Variants in CREB5 observed in about 807,000 individuals in gnomAD.
The protein encoded by CREB5 is cyclic AMP-responsive element-binding protein 5.
In CREB5, 19 loss-of-function variants were observed where a neutral mutation model predicts 57.1. The ratio of observed to expected loss-of-function variants is 0.33; its 90% CI spans 0.23 to 0.49. The LOEUF (loss-of-function observed/expected upper bound fraction) is 0.49, where lower values mean the gene tolerates loss of function less well. Ranked by LOEUF, CREB5 falls within the 20% of genes least tolerant of loss-of-function variation. The pLI is 0.99. For synonymous variants in CREB5, 238 were observed against 238.3 expected (o/e 1.00, Z 0.01); for missense variants, 579 against 671.6 (o/e 0.86, Z 1.52).
chr7:28,550,004 G>A (rs117451495), intron 4 of CREB5, among the ~76,000 whole-genome samples: 2,081 of 152,264 alleles, frequency 0.014, 29 homozygotes, highest in Middle Eastern at 0.054. Context: ...TTCTGAAGAA[G>A]CCTCATGACA....
At chr7:28,557,237 T>TGTAGGC (rs1794915717) in intron 4 of CREB5, among the ~76,000 whole-genome samples, 2 of 128,422 alleles carry the variant, frequency 1.6e-5, no homozygotes, top group African/African-American at 2.8e-5. Context: ...AGCATCACCT[T>TGTAGGC]CTTTCTGTTT....
At chr7:28,430,898 A>T (rs902270642) in intron 1 of CREB5, among the ~76,000 whole-genome samples, 2 of 152,156 alleles carry the variant, frequency 1.3e-5, no homozygotes, top group African/African-American at 4.8e-5. Flanking sequence ...AGTCACCTCA[A>T]ACCTCAGTGG....
chr7:28,583,357 C>A (rs1395550717), intron 5 of CREB5, among the ~76,000 whole-genome samples: 1 of 152,166 alleles, frequency 6.6e-6, no homozygotes, highest in Non-Finnish European at 1.5e-5. Flanking sequence ...TGAGATTGGA[C>A]AGGCAAGCTG....
At chr7:28,437,211 T>G (rs1788998016) in intron 1 of CREB5, among the ~76,000 whole-genome samples, 1 of 152,206 alleles carries the variant, frequency 6.6e-6, no homozygotes, top group South Asian at 2.1e-4. Flanking sequence ...TAATGCCTAT[T>G]GTAGGCCAGG....
intron 5 of CREB5, among the ~76,000 whole-genome samples, chr7:28,711,958 G>A (rs1802417658): frequency 6.6e-6 from 1 of 152,128 alleles, no homozygotes. Context: ...AACCCATTTA[G>A]TATATTCAAC....
intron 5 of CREB5, among the ~76,000 whole-genome samples, chr7:28,600,775 G>A (rs1796887231): frequency 6.6e-6 from 1 of 152,160 alleles, no homozygotes. Context: ...CTATGAAAAA[G>A]TAAGTTTAAC....
chr7:28,452,174 A>G (rs1241510540), intron 1 of CREB5, among the ~76,000 whole-genome samples: 1 of 152,146 alleles, frequency 6.6e-6, no homozygotes, highest in South Asian at 2.1e-4. Context: ...TTGTTTCTCC[A>G]TATCATGCCT....
chr7:28,557,206 T>C lies in CREB5; in HGVS notation c.292-13159T>C, dbSNP rs1794914112. 3.1e-5 allele frequency among the ~76,000 whole-genome samples: 4 copies of C among 128,466 alleles called. 1 individual carries two copies. In the South Asian group the frequency reaches 9.4e-4, roughly 30 times the overall value. The allele number at this position is 128,466 out of a possible 152,430, so 84.3% of individuals were successfully genotyped here. ...CTCTCTAATTGAAATTGTGCTTTTA[T>C]ATGCAGTCTTCTCAGACTAAAGCAT... is the stretch of plus-strand genomic sequence containing the variant. On this transcript the variant is annotated intron_variant, in intron 4 of 10. Transcript: ENST00000357727.
At chr7:28,499,140 C>A in intron 3 of CREB5, among the ~76,000 whole-genome samples, 2 of 145,906 alleles carry the variant, frequency 1.4e-5, no homozygotes, top group East Asian at 2.0e-4. Context: ...ATATCCCCAC[C>A]CTGAGTTCTT....
intron 7 of CREB5, among the ~76,000 whole-genome samples, chr7:28,776,052 G>A (rs1041608019): frequency 2.0e-5 from 3 of 152,140 alleles, no homozygotes; most frequent in Non-Finnish European, 2.9e-5. Flanking sequence ...AAAGTTAAGC[G>A]TGCGGCTGGG....
chr7:28,584,159 C>T (rs1374765377), intron 5 of CREB5, among the ~76,000 whole-genome samples: 1 of 152,154 alleles, frequency 6.6e-6, no homozygotes, highest in African/African-American at 2.4e-5. Flanking sequence ...TTCTCAGTGC[C>T]CAGCCCCTGG....
intron 9 of CREB5, among the ~76,000 whole-genome samples, chr7:28,813,029 A>G (rs1457281050): frequency 6.6e-6 from 1 of 152,172 alleles, no homozygotes; most frequent in Non-Finnish European, 1.5e-5. Flanking sequence ...GTCTCACAAC[A>G]CATCTCTGCC....
At chr7:28,768,548 A>C (rs979977916) in intron 7 of CREB5, among the ~76,000 whole-genome samples, 1 of 152,244 alleles carries the variant, frequency 6.6e-6, no homozygotes, top group African/African-American at 2.4e-5. Flanking sequence ...AGGTGGAAGA[A>C]GTTGCTTTAT....
At chr7:28,507,182 C>A (rs115064765) in intron 3 of CREB5, among the ~76,000 whole-genome samples, 1,629 of 152,210 alleles carry the variant, frequency 0.011, 20 homozygotes, top group African/African-American at 0.036. Flanking sequence ...TTGCAAAATC[C>A]TTTTTCTTTC....
At chr7:28,676,417 T>C (rs1583526550) in intron 5 of CREB5, among the ~76,000 whole-genome samples, 1 of 152,300 alleles carries the variant, frequency 6.6e-6, no homozygotes, top group South Asian at 2.1e-4. Context: ...AGGAGTCTCA[T>C]TGTAATTCAG....
At chr7:28,762,231 C>T (rs1179504451) in intron 7 of CREB5, among the ~76,000 whole-genome samples, 4 of 152,152 alleles carry the variant, frequency 2.6e-5, no homozygotes, top group Non-Finnish European at 5.9e-5. Context: ...TCAAACCCCA[C>T]ATTTCAAAGT....
At chr7:28,720,762 C>G (rs925413315) in intron 6 of CREB5, among the ~76,000 whole-genome samples, 1 of 152,194 alleles carries the variant, frequency 6.6e-6, no homozygotes, top group Non-Finnish European at 1.5e-5. Context: ...TCAACCCAAC[C>G]AACTACGTGA....
At chr7:28,301,285 C>G (rs896583039) in intron 1 of CREB5, among the ~76,000 whole-genome samples, 1 of 152,194 alleles carries the variant, frequency 6.6e-6, no homozygotes, top group Non-Finnish European at 1.5e-5. Flanking sequence ...AGAATCCACT[C>G]ACTCTAGACT....
chr7:28,366,987 A>G (rs10249678), intron 1 of CREB5, among the ~76,000 whole-genome samples: 149,939 of 152,260 alleles, frequency 0.98, 73,863 homozygotes, highest in East Asian at 1. Flanking sequence ...AGAGTACATA[A>G]GAAGTTGAAG....
Sources: gnomAD v4.1 joint callset for allele counts (sites outside exome capture counted in the v4.1 genomes callset) on GRCh38, gnomAD v4.1.1 for gene constraint, MANE v1.5 for transcripts, NCBI Gene and HGNC (gene_info 2026-07-23, HGNC 2026-07-21) for gene names.